Variants in PRDX4 observed in about 807,000 individuals in gnomAD.
The protein encoded by PRDX4 is peroxiredoxin 4, also known as peroxiredoxin-4.
In PRDX4, 12 loss-of-function variants were observed where a neutral mutation model predicts 20.5. The ratio of observed to expected loss-of-function variants is 0.58; its 90% CI spans 0.37 to 0.95. The LOEUF is 0.95. PRDX4 is among the 40% of genes least tolerant of loss of function. The pLI is 0.01. For synonymous variants in PRDX4, 99 were observed against 87.5 expected (o/e 1.13, Z -0.73); for missense variants, 180 against 207.3 (o/e 0.87, Z 0.81).
Position 23,686,309 on chromosome X carries a change from C to G in PRDX4, c.790C>G (p.Leu264Val). Residue 264 changes from leucine (L) to valine (V), a missense_variant, in exon 7 of 7, where the codon CTG becomes GTG. Transcript: ENST00000379341. Reference protein sequence around the residue: ...ETIIPDPAGKLKYFDKLN With the variant: ...ETIIPDPAGKVKYFDKLN Reference sequence around the variant, plus strand: ...GATAATCCCAGATCCAGCTGGAAAGCTGAAGTATTTCGATAAACTGAATTG... The same window carrying G: ...GATAATCCCAGATCCAGCTGGAAAGGTGAAGTATTTCGATAAACTGAATTG... 8.5e-7 allele frequency: 1 copy of G among 1,175,476 alleles called. No homozygotes were observed.
intron 3 of PRDX4, among the ~76,000 whole-genome samples, 192 bp from the exon 4 acceptor site, chrX:23,678,973 A>T (rs1014701133): frequency 1.8e-5 from 2 of 112,091 alleles, no homozygotes; most frequent in Admixed American, 9.5e-5. Context: ...GTGTATATAT[A>T]TTTTTAATGT....
chrX:23,683,765 C>G, intron 6 of PRDX4, 60 bp downstream of exon 6: 1 of 1,058,387 alleles, frequency 9.4e-7, no homozygotes, highest in Non-Finnish European at 1.3e-6. Flanking sequence ...AAAATGCTGG[C>G]CGGGCGCAGT....
At chrX:23,671,150 A>C (rs761188211) in intron 1 of PRDX4, among the ~76,000 whole-genome samples, 2 of 112,220 alleles carry the variant, frequency 1.8e-5, no homozygotes, top group South Asian at 7.4e-4. Context: ...TTTCACCAAT[A>C]GAATCACTTA....
intron 4 of PRDX4, among the ~76,000 whole-genome samples, chrX:23,681,099 G>A (rs1743110102): frequency 9.1e-6 from 1 of 110,454 alleles, no homozygotes; most frequent in East Asian, 2.8e-4. Flanking sequence ...GGGCGTGGTG[G>A]CGGGTGCCTG....
At position 23,671,606 on chromosome X, in the gene PRDX4, C is replaced by T; in HGVS notation, c.319C>T (p.Arg107Cys). The change falls in exon 2 of 7, where the codon CGT (arginine) becomes TGT (cysteine). Residue 107 changes from arginine to cysteine, a missense_variant. Coordinates refer to ENST00000379341, the MANE Select transcript of PRDX4 (RefSeq NM_006406.2). ...EFKELKLTDY[R>C]GKYLVFFFYP... ...TAAGGAGCTGAAGTTAACTGATTAT[C>T]GTGGGAAATACTTGGTTTTCTTCTT... The T allele has an allele frequency of 1.7e-6, 2 of 1,205,216 alleles. No homozygotes were observed. The highest frequency in any genetic ancestry group is 2.2e-6 in the Non-Finnish European group (2 of 892,292).
Position 23,671,598 on chromosome X carries a change from C to A in PRDX4, c.311C>A (p.Thr104Asn). The A allele has an allele frequency of 8.3e-7, 1 of 1,207,640 alleles. No homozygotes were observed. Residue 104 changes from threonine (T) to asparagine (N), a missense_variant, in exon 2 of 7, where the codon ACT (threonine) becomes AAT (asparagine). Thr to Asn is a moderately conservative substitution (Grantham distance 65). Around this residue, in one of 3 missense-constraint regions of PRDX4, gnomAD observed 105 missense variants for 114.2 expected, o/e 0.92. Transcript: ENST00000379341. ...IDGEFKELKL[T>N]DYRGKYLVFF... ...GGAGAATTTAAGGAGCTGAAGTTAA[C>A]TGATTATCGTGGGAAATACTTGGTT...
At chrX:23,674,178 C>T (rs749448788) in intron 2 of PRDX4, among the ~76,000 whole-genome samples, 12 of 111,501 alleles carry the variant, frequency 1.1e-4, no homozygotes, top group Non-Finnish European at 2.1e-4. Flanking sequence ...CTTTCAGAAA[C>T]CTCCAGAACT....
rs1927839875 is a variant in PRDX4, at chrX:23,671,398, C to T, written c.242-131C>T. 6.3e-6 allele frequency: 3 copies of T among 473,397 alleles called. No homozygotes were observed. The South Asian group carries it at 1.2e-4, about 18-fold the overall frequency. 39.0% of individuals were successfully genotyped at this position (473,397 alleles called of 1,213,427 possible). On this transcript the variant is annotated intron_variant, in intron 1 of 6. Transcript: ENST00000379341. Reference sequence around the variant, plus strand: ...ATTCAATAACACTCTTTTAAGAAGTCTGTAAGCTTCACCAGACTGCCAAAG... The same window carrying T: ...ATTCAATAACACTCTTTTAAGAAGTTTGTAAGCTTCACCAGACTGCCAAAG...
intron 5 of PRDX4, among the ~76,000 whole-genome samples, chrX:23,682,843 AAAAAAAAAAAATAT>A (rs1928104008): frequency 2.1e-5 from 1 of 47,444 alleles, no homozygotes; most frequent in Non-Finnish European, 4.3e-5. Flanking sequence ...AAAAAAAAAA[AAAAAAAAAAAATAT>A]ATATATATAT....
At chrX:23,674,276 G>A (rs1158570786) in intron 2 of PRDX4, among the ~76,000 whole-genome samples, 1 of 111,457 alleles carries the variant, frequency 9.0e-6, no homozygotes, top group Non-Finnish European at 1.9e-5. Flanking sequence ...ATAAATATGT[G>A]TTTCATAATT....
chrX:23,679,040 CTG>C (rs757445014), intron 3 of PRDX4, 123 bp from the exon 4 acceptor site: 2 of 694,939 alleles, frequency 2.9e-6, no homozygotes, highest in Non-Finnish European at 2.1e-6. Flanking sequence ...GTATATTAGC[CTG>C]TTTTTGTTAG....
chrX:23,673,940 C>T (rs770269302), intron 2 of PRDX4, among the ~76,000 whole-genome samples: 1 of 110,672 alleles, frequency 9.0e-6, no homozygotes, highest in South Asian at 3.8e-4. Flanking sequence ...CTGGTAGGAA[C>T]TTGTGCCCTA....
At position 23,667,605 on chromosome X, in the gene PRDX4, C is replaced by G. The variant is rs770985510; in HGVS notation, c.35C>G (p.Pro12Arg). The change falls in exon 1 of 7, where the codon CCG becomes CGG. Residue 12 changes from proline (P) to arginine (R), a missense_variant. Pro to Arg is a moderately radical substitution (Grantham distance 103). Transcript: ENST00000379341. ...CTGCCGCTGCTAGCCGCGACAACTC[C>G]GGACCACGGCCGCCACCGAAGGCTG... ...EALPLLAATT[P>R]DHGRHRRLLL... 2 of 1,192,686 alleles carry G rather than the reference C, an allele frequency of 1.7e-6. No individual in the cohort carries two copies. Among genetic ancestry groups the G allele is most frequent in the South Asian group, 3.6e-5 (2 of 54,894 alleles).
chrX:23,672,111 A>C (rs1005992646), intron 2 of PRDX4, among the ~76,000 whole-genome samples: 1 of 111,391 alleles, frequency 9.0e-6, no homozygotes, highest in Non-Finnish European at 1.9e-5. Flanking sequence ...AAATGCAAAA[A>C]TTAGCTGGGC....
Position 23,668,929 on chromosome X carries a change from T to A in PRDX4, c.241+1118T>A, listed in dbSNP as rs907655621. Among the ~76,000 whole-genome samples the A allele has an allele frequency of 3.2e-3, 352 of 110,137 alleles. 1 individual carries two copies. The highest frequency in any genetic ancestry group is 0.011 in the African/African-American group (333 of 30,228). ...ACCACTTTGGGACTTTTTTTTTTTT[T>A]TTATTTGAGATGAAGTCTTGCTCTG... is the stretch of plus-strand genomic sequence containing the variant. On this transcript the variant is annotated intron_variant, in intron 1 of 6. Transcript: ENST00000379341.
At chrX:23,683,605 G>A in intron 5 of PRDX4, 66 bp from the exon 6 acceptor site, 1 of 1,030,239 alleles carries the variant, frequency 9.7e-7, no homozygotes. Flanking sequence ...AACAGAAAAA[G>A]TCAGTTGCTG....
chrX:23,679,496 C>A (rs1476327950), intron 4 of PRDX4, among the ~76,000 whole-genome samples: 1 of 109,639 alleles, frequency 9.1e-6, no homozygotes, highest in African/African-American at 3.3e-5. Flanking sequence ...ACCAGCCTGG[C>A]CAACATGGTG....
Position 23,679,295 on chromosome X carries a change from T to C in PRDX4, c.599+8T>C, listed in dbSNP as rs772146612. The C allele has an allele frequency of 5.9e-6, 7 of 1,187,531 alleles. No homozygotes were observed. The highest frequency in any genetic ancestry group is 1.8e-5 in the African/African-American group (1 of 56,872). ...CTCAGGCCACACTCTTAGGTACCTT[T>C]CAGTGGTTTTATATTATGACAAATC... On this transcript the variant is annotated splice_region_variant and intron_variant, in intron 4 of 6. Coordinates refer to ENST00000379341, the MANE Select transcript of PRDX4 (RefSeq NM_006406.2).
At chrX:23,678,981 T>C (rs764713852) in intron 3 of PRDX4, among the ~76,000 whole-genome samples, 184 bp from the exon 4 acceptor site, 49 of 112,315 alleles carry the variant, frequency 4.4e-4, no homozygotes, top group Non-Finnish European at 9.2e-4. Context: ...ATATTTTTAA[T>C]GTTTAAAGGA....
Sources: gnomAD v4.1 joint callset for allele counts (sites outside exome capture counted in the v4.1 genomes callset) on GRCh38, gnomAD v4.1.1 for gene constraint, gnomAD v4.1.1 regional missense constraint, MANE v1.5 for transcripts, NCBI Gene and HGNC (gene_info 2026-07-23, HGNC 2026-07-21) for gene names.